Variants in ADGRB3 observed in about 807,000 individuals in gnomAD.
The protein encoded by ADGRB3 is adhesion G protein-coupled receptor B3.
Under a neutral mutation model 193.4 loss-of-function variants are expected in ADGRB3, and 37 were observed. The observed-to-expected ratio is 0.19, with a 90% CI of 0.15 to 0.25. The LOEUF (loss-of-function observed/expected upper bound fraction) is 0.25. ADGRB3 is among the 10% of genes least tolerant of loss of function. The pLI is 1.00. For missense variants in ADGRB3, 1,637 were observed against 1,852.9 expected (o/e 0.88, Z 2.14); for synonymous variants, 690 against 644.2 (o/e 1.07, Z -1.08).
intron 4 of ADGRB3, among the ~76,000 whole-genome samples, chr6:68,931,904 A>G (rs532673414): frequency 6.6e-6 from 1 of 152,298 alleles, no homozygotes; most frequent in South Asian, 2.1e-4. Flanking sequence ...AAATGTAGAA[A>G]CTTGCTTATC....
At chr6:68,663,216 A>G (rs1768711347) in intron 3 of ADGRB3, among the ~76,000 whole-genome samples, 1 of 151,522 alleles carries the variant, frequency 6.6e-6, no homozygotes, top group Admixed American at 6.6e-5. Context: ...TTTGTAAACA[A>G]TAAATTATAG....
chr6:68,911,376 C>G (rs1766705749), intron 3 of ADGRB3, among the ~76,000 whole-genome samples: 1 of 151,794 alleles, frequency 6.6e-6, no homozygotes, highest in South Asian at 2.1e-4. Context: ...ATGTAACAAA[C>G]CTGCACGTTG....
rs1769306304 is a variant in ADGRB3, at chr6:68,993,774, G to A, written c.1741G>A (p.Glu581Lys). The A allele has an allele frequency of 1.2e-6, 2 of 1,613,004 alleles. No homozygotes were observed. The highest frequency in any genetic ancestry group is 3.3e-5 in the Admixed American group (2 of 59,990). ...GTTCTTTTGACCATCACAGATTAAA[G>A]AGCACCTTGCTAAGGGGCAGCGAAT... ...EYRHLQHSIK[E>K]HLAKGQRMLA... The change falls in exon 11 of 32, where the codon GAG becomes AAG. Residue 581 changes from glutamate to lysine, a missense_variant. This residue lies in a region of ADGRB3 where 641 missense variants were observed against 673.9 expected (regional missense o/e 0.95). Transcript: ENST00000370598.
chr6:69,076,867 T>G (rs968883699), intron 17 of ADGRB3, among the ~76,000 whole-genome samples: 3 of 152,018 alleles, frequency 2.0e-5, no homozygotes, highest in Non-Finnish European at 4.4e-5. Flanking sequence ...GTATGTATTC[T>G]AAGAATTTTC....
At chr6:69,343,742 CA>C (rs556044642) in intron 26 of ADGRB3, among the ~76,000 whole-genome samples, 209 of 149,914 alleles carry the variant, frequency 1.4e-3, no homozygotes, top group Non-Finnish European at 1.6e-3. Flanking sequence ...GAAATAAGAA[CA>C]AAAAAAAAGA....
At chr6:69,064,893 G>T (rs1012291611) in intron 16 of ADGRB3, among the ~76,000 whole-genome samples, 4 of 152,000 alleles carry the variant, frequency 2.6e-5, no homozygotes, top group African/African-American at 7.2e-5. Context: ...TGAAATGAAC[G>T]TATTTAAGCT....
At chr6:68,949,634 G>C (rs1370788099) in intron 6 of ADGRB3, among the ~76,000 whole-genome samples, 1 of 152,130 alleles carries the variant, frequency 6.6e-6, no homozygotes, top group Non-Finnish European at 1.5e-5. Flanking sequence ...GATTGTGTTT[G>C]CATGAGGTTG....
chr6:69,331,548 C>T (rs1768730894), intron 23 of ADGRB3: 3 of 985,294 alleles, frequency 3.0e-6, no homozygotes, highest in Non-Finnish European at 3.6e-6. Context: ...TGTTCTCCCT[C>T]AACTAAGCTG....
intron 3 of ADGRB3, among the ~76,000 whole-genome samples, chr6:68,825,003 T>C (rs1767816320): frequency 6.6e-6 from 1 of 151,948 alleles, no homozygotes; most frequent in South Asian, 2.1e-4. Flanking sequence ...TTCAGGTGCA[T>C]GCCACCACAT....
chr6:68,930,687 T>C lies in ADGRB3; in HGVS notation c.868+18T>C, dbSNP rs746296427. 5.3e-6 allele frequency: 8 copies of C among 1,498,626 alleles called. No homozygotes were observed. Among genetic ancestry groups the C allele is most frequent in the Non-Finnish European group, 7.4e-6 (8 of 1,083,732 alleles). The allele number at this position is 1,498,626 out of a possible 1,614,324, so 92.8% of individuals were successfully genotyped here. ...ACAAACTGGTAATACGTTAGTTACA[T>C]TTTTCTATTTATTGTTGTTAATTTA... is the stretch of plus-strand genomic sequence containing the variant. On this transcript the variant is annotated intron_variant, in intron 4 of 31. Transcript: ENST00000370598.
At chr6:69,184,004 A>T (rs993187279) in intron 17 of ADGRB3, among the ~76,000 whole-genome samples, 4 of 152,270 alleles carry the variant, frequency 2.6e-5, no homozygotes, top group African/African-American at 9.6e-5. Context: ...CTCAAGTGTG[A>T]TAACTTAAAA....
chr6:68,872,085 G>A (rs529191755), intron 3 of ADGRB3, among the ~76,000 whole-genome samples: 1 of 152,192 alleles, frequency 6.6e-6, no homozygotes, highest in African/African-American at 2.4e-5. Flanking sequence ...AATAAATAAA[G>A]TGTGTAAACA....
intron 10 of ADGRB3, among the ~76,000 whole-genome samples, chr6:68,977,415 G>A (rs1768781877): frequency 6.6e-6 from 1 of 152,038 alleles, no homozygotes. Flanking sequence ...AAATAACAGA[G>A]CAATCTTTAC....
intron 17 of ADGRB3, among the ~76,000 whole-genome samples, chr6:69,174,326 C>T (rs1775366652): frequency 6.6e-6 from 1 of 152,144 alleles, no homozygotes; most frequent in Non-Finnish European, 1.5e-5. Flanking sequence ...ATGTTTTGTT[C>T]CCACTTATGA....
At chr6:68,854,497 A>G (rs1303724075) in intron 3 of ADGRB3, among the ~76,000 whole-genome samples, 1 of 152,178 alleles carries the variant, frequency 6.6e-6, no homozygotes, top group East Asian at 1.9e-4. Context: ...TACACAATAA[A>G]TAGATGCGAT....
chr6:68,953,196 C>T (rs1767979660), intron 6 of ADGRB3, among the ~76,000 whole-genome samples: 1 of 152,012 alleles, frequency 6.6e-6, no homozygotes. Flanking sequence ...TCTCTCTTTG[C>T]CAGAAAACAT....
intron 17 of ADGRB3, among the ~76,000 whole-genome samples, chr6:69,144,903 C>CTTTCTTTCTTTCTT: frequency 6.6e-6 from 1 of 150,754 alleles, no homozygotes; most frequent in Non-Finnish European, 1.5e-5. Context: ...TTCTTTCTTT[C>CTTTCTTTCTTTCTT]TTTCTTTCTT....
intron 3 of ADGRB3, among the ~76,000 whole-genome samples, chr6:68,722,970 A>C (rs558752473): frequency 6.6e-6 from 1 of 151,756 alleles, no homozygotes; most frequent in Admixed American, 6.6e-5. Context: ...GTCATGGTAC[A>C]CTCTGGAGGG....
chr6:69,364,289 G>T (rs1323811188), intron 29 of ADGRB3, among the ~76,000 whole-genome samples: 1 of 152,006 alleles, frequency 6.6e-6, no homozygotes, highest in Non-Finnish European at 1.5e-5. Context: ...AAGTGGAAAA[G>T]AGGAAAAACG....
Sources: gnomAD v4.1 joint callset for allele counts (sites outside exome capture counted in the v4.1 genomes callset) on GRCh38, gnomAD v4.1.1 for gene constraint, gnomAD v4.1.1 regional missense constraint, MANE v1.5 for transcripts, NCBI Gene and HGNC (gene_info 2026-07-23, HGNC 2026-07-21) for gene names.